The following ACSS3 variants were observed in gnomAD, a reference collection of about 807,000 sequenced individuals.
ACSS3 encodes the protein acyl-CoA synthetase short chain family member 3, also known as acyl-CoA synthetase short-chain family member 3, mitochondrial.
In ACSS3, 64 loss-of-function variants were observed where a neutral mutation model predicts 84.2. That is an observed-to-expected ratio of 0.76 (90% CI 0.62 to 0.94). ACSS3 has a LOEUF of 0.94. Ranked by LOEUF, ACSS3 falls within the 40% of genes least tolerant of loss-of-function variation. The pLI, the probability that ACSS3 is intolerant of heterozygous loss-of-function variation, is 0.00. For synonymous variants in ACSS3, 317 were observed against 310.1 expected (o/e 1.02, Z -0.23); for missense variants, 815 against 867.6 (o/e 0.94, Z 0.76).
At chr12:81,145,531 G>A (rs1886300412) in intron 5 of ACSS3, among the ~76,000 whole-genome samples, 1 of 152,126 alleles carries the variant, frequency 6.6e-6, no homozygotes, top group Non-Finnish European at 1.5e-5. Flanking sequence ...GAAGATAGGT[G>A]ACTACACACA....
chr12:81,089,729 T>C (rs1881551908), intron 1 of ACSS3, among the ~76,000 whole-genome samples: 1 of 151,948 alleles, frequency 6.6e-6, no homozygotes, highest in Non-Finnish European at 1.5e-5. Context: ...AACAAAACAA[T>C]GACAATGGCA....
At chr12:81,144,835 A>G (rs1278455471) in intron 5 of ACSS3, among the ~76,000 whole-genome samples, 1 of 151,910 alleles carries the variant, frequency 6.6e-6, no homozygotes, top group Non-Finnish European at 1.5e-5. Context: ...TACACAGAGC[A>G]TTATATTGAA....
intron 7 of ACSS3, among the ~76,000 whole-genome samples, chr12:81,170,125 T>C (rs1257862871): frequency 6.6e-6 from 1 of 152,172 alleles, no homozygotes; most frequent in African/African-American, 2.4e-5. Context: ...GGATTAATAA[T>C]AAAGCAAATT....
intron 7 of ACSS3, among the ~76,000 whole-genome samples, chr12:81,164,032 G>A (rs1321793050): frequency 1.3e-5 from 2 of 152,100 alleles, no homozygotes; most frequent in Non-Finnish European, 2.9e-5. Flanking sequence ...ATGTAGTATT[G>A]TACAATAATG....
chr12:81,085,182 G>T (rs1881232854), intron 1 of ACSS3, among the ~76,000 whole-genome samples: 1 of 152,154 alleles, frequency 6.6e-6, no homozygotes, highest in African/African-American at 2.4e-5. Context: ...ACTTTGTGTG[G>T]TTTCTTATGT....
At chr12:81,138,869 A>G (rs11610708) in intron 3 of ACSS3, among the ~76,000 whole-genome samples, 52,175 of 152,094 alleles carry the variant, frequency 0.34, 11,475 homozygotes, top group Non-Finnish European at 0.49. Flanking sequence ...GGATTATTTG[A>G]AAGGGATTTA....
chr12:81,220,893 T>C (rs2135950066), intron 11 of ACSS3, among the ~76,000 whole-genome samples: 1 of 152,162 alleles, frequency 6.6e-6, no homozygotes, highest in East Asian at 1.9e-4. Flanking sequence ...AATAATACCA[T>C]ATTAAATATT....
Position 81,234,595 on chromosome 12 carries a change from C to T in ACSS3, c.1719+1124C>T, listed in dbSNP as rs148507821. On this transcript the variant is annotated intron_variant, in intron 13 of 15. Transcript: ENST00000548058. ...TTACTCTTTATTAAACCATTCTACT[C>T]GGTGTGTAATAGTATCTCATTGTGC... 1.5e-3 allele frequency among the ~76,000 whole-genome samples: 227 copies of T among 151,328 alleles called. 2 individuals are homozygous for T. Among genetic ancestry groups the T allele is most frequent in the African/African-American group, 5.1e-3 (211 of 41,390 alleles).
At chr12:81,094,748 A>G (rs1881916137) in intron 1 of ACSS3, 2 of 152,240 alleles carry the variant, frequency 1.3e-5, no homozygotes. Context: ...AGAGAAAGAA[A>G]TGGATAGTTA....
In ACSS3 at chr12:81,102,594, G is replaced by A. The variant is rs1017280880; in HGVS notation, c.312-6966G>A. 3.9e-5 allele frequency among the ~76,000 whole-genome samples: 6 copies of A among 151,960 alleles called. No homozygotes were observed. In the South Asian group the frequency reaches 6.2e-4, roughly 16 times the overall value. ...TACCACCATTTTGGGAGGCCGAGGC[G>A]GGCAGATCACCAGGTCAAGAGATAA... On this transcript the variant is annotated intron_variant, in intron 1 of 15. Transcript: ENST00000548058.
intron 8 of ACSS3, among the ~76,000 whole-genome samples, chr12:81,191,270 C>A (rs932929739): frequency 6.6e-6 from 1 of 151,986 alleles, no homozygotes; most frequent in Non-Finnish European, 1.5e-5. Flanking sequence ...TGACATGTAT[C>A]CATCATTATA....
At chr12:81,178,869 G>A (rs1430753873) in intron 8 of ACSS3, among the ~76,000 whole-genome samples, 1 of 152,126 alleles carries the variant, frequency 6.6e-6, no homozygotes, top group African/African-American at 2.4e-5. Flanking sequence ...CGAAGCCAGA[G>A]GCATTATACT....
At chr12:81,124,994 C>G (rs913706924) in intron 2 of ACSS3, among the ~76,000 whole-genome samples, 2 of 152,176 alleles carry the variant, frequency 1.3e-5, no homozygotes, top group African/African-American at 4.8e-5. Flanking sequence ...GCGGGCAGAT[C>G]ACGAGGTCAG....
At chr12:81,077,875 A>G (rs1880714223), upstream of ACSS3, 2 of 459,504 alleles carry the variant, frequency 4.4e-6, no homozygotes, top group Non-Finnish European at 7.6e-6. Flanking sequence ...GATCTCGTGC[A>G]GCAGCGCAAC....
rs12313641 is a variant in ACSS3, at chr12:81,212,452, C to T, written c.1355-4449C>T. Reference sequence around the variant, plus strand: ...ACAGTCTAGGTGATTTTATTCCTTTCTCATCCTCTGTCTGTTACTTGAGAG... The same window carrying T: ...ACAGTCTAGGTGATTTTATTCCTTTTTCATCCTCTGTCTGTTACTTGAGAG... On this transcript the variant is annotated intron_variant, in intron 9 of 15. Coordinates refer to ENST00000548058, the MANE Select transcript of ACSS3 (RefSeq NM_024560.4). 9.5e-3 allele frequency among the ~76,000 whole-genome samples: 1,446 copies of T among 152,294 alleles called. 29 individuals carry two copies. Among genetic ancestry groups the T allele is most frequent in the African/African-American group, 0.033 (1,386 of 41,562 alleles).
chr12:81,211,661 A>G lies in ACSS3; in HGVS notation c.1355-5240A>G, dbSNP rs11114790. Among the ~76,000 whole-genome samples the G allele has an allele frequency of 9.5e-3, 1,447 of 152,238 alleles. 28 individuals are homozygous for G. The highest frequency in any genetic ancestry group is 0.033 in the African/African-American group (1,388 of 41,534). On this transcript the variant is annotated intron_variant, in intron 9 of 15. Transcript: ENST00000548058. ...TCAGTCTCTGCATTTCCTACTACAC[A>G]TCTCTCTTGCAGCCCAAATAAATTA...
At chr12:81,161,267 A>T (rs1456844808) in intron 7 of ACSS3, among the ~76,000 whole-genome samples, 2 of 152,176 alleles carry the variant, frequency 1.3e-5, no homozygotes, top group Non-Finnish European at 2.9e-5. Context: ...GCATACAGGG[A>T]TGTGTTGATT....
At chr12:81,177,423 G>T (rs2030569008) in intron 8 of ACSS3, among the ~76,000 whole-genome samples, 1 of 151,942 alleles carries the variant, frequency 6.6e-6, no homozygotes. Context: ...TATAGTCTCT[G>T]CCCAAAAGCT....
chr12:81,152,321 A>G (rs1886651091), intron 7 of ACSS3, among the ~76,000 whole-genome samples: 1 of 139,664 alleles, frequency 7.2e-6, no homozygotes, highest in African/African-American at 2.6e-5. Context: ...TGAAGAACAT[A>G]CAAAAACAAG....
Sources: allele counts gnomAD v4.1 joint callset (sites outside exome capture counted in the v4.1 genomes callset), GRCh38; gene constraint gnomAD v4.1.1; transcripts MANE v1.5; gene names NCBI Gene and HGNC (gene_info 2026-07-23, HGNC 2026-07-21).